HS3ST4: variants seen among roughly 807,000 people sequenced by gnomAD.
HS3ST4 encodes heparan sulfate glucosamine 3-O-sulfotransferase 4.
In HS3ST4, 17 loss-of-function variants were observed where a neutral mutation model predicts 29.2. The observed-to-expected ratio is 0.58, with a 90% CI of 0.40 to 0.87. The LOEUF (loss-of-function observed/expected upper bound fraction) is 0.87. Ranked by LOEUF, HS3ST4 falls within the 40% of genes least tolerant of loss-of-function variation. HS3ST4 has a pLI of 0.00. For synonymous variants in HS3ST4, 314 were observed against 285.7 expected (o/e 1.10, Z -1.00); for missense variants, 627 against 634.5 (o/e 0.99, Z 0.13).
chr16:25,887,297 G>A (rs1967963428), intron 1 of HS3ST4, among the ~76,000 whole-genome samples: 1 of 152,122 alleles, frequency 6.6e-6, no homozygotes, highest in Non-Finnish European at 1.5e-5. Flanking sequence ...TGAGGAAGTA[G>A]GAAGGTGGCA....
intron 1 of HS3ST4, among the ~76,000 whole-genome samples, chr16:25,924,201 G>T (rs1411328097): frequency 6.6e-6 from 1 of 152,132 alleles, no homozygotes; most frequent in African/African-American, 2.4e-5. Flanking sequence ...TCTTGGAGCT[G>T]CTTGTTTCTT....
intron 1 of HS3ST4, among the ~76,000 whole-genome samples, chr16:25,999,675 A>G (rs1969188044): frequency 6.7e-6 from 1 of 148,346 alleles, no homozygotes; most frequent in Non-Finnish European, 1.5e-5. Flanking sequence ...TCTGAGGACT[A>G]CTTTAGACAC....
chr16:25,832,017 G>A (rs939875921), intron 1 of HS3ST4, among the ~76,000 whole-genome samples: 3 of 152,020 alleles, frequency 2.0e-5, no homozygotes, highest in Non-Finnish European at 2.9e-5. Context: ...GAGATAGGAG[G>A]ATCACTTGGA....
intron 1 of HS3ST4, among the ~76,000 whole-genome samples, chr16:25,832,046 G>A (rs769628261): frequency 1.5e-4 from 23 of 152,114 alleles, no homozygotes; most frequent in South Asian, 6.2e-4. Context: ...TGTTGAGGCT[G>A]CAGTGAACCA....
chr16:25,910,423 C>T (rs1274631378), intron 1 of HS3ST4, among the ~76,000 whole-genome samples: 1 of 151,978 alleles, frequency 6.6e-6, no homozygotes, highest in Admixed American at 6.6e-5. Context: ...GGCAGATCAC[C>T]TGAGGTCAGG....
intron 1 of HS3ST4, among the ~76,000 whole-genome samples, chr16:26,054,764 G>A (rs1198255657): frequency 6.6e-6 from 1 of 152,056 alleles, no homozygotes; most frequent in East Asian, 1.9e-4. Context: ...GTCAGGAGCA[G>A]GGGGCACAGA....
At chr16:25,960,377 A>G (rs1366525162) in intron 1 of HS3ST4, among the ~76,000 whole-genome samples, 1 of 152,330 alleles carries the variant, frequency 6.6e-6, no homozygotes, top group East Asian at 1.9e-4. Context: ...ATGGACTAGT[A>G]CAAGGTACCT....
At chr16:26,013,192 AC>A (rs1969327334) in intron 1 of HS3ST4, among the ~76,000 whole-genome samples, 1 of 152,024 alleles carries the variant, frequency 6.6e-6, no homozygotes, top group South Asian at 2.1e-4. Flanking sequence ...TAAAATAAAA[AC>A]AAAAAAAACA....
intron 1 of HS3ST4, among the ~76,000 whole-genome samples, chr16:25,764,746 G>A (rs2141608080): frequency 6.6e-6 from 1 of 152,336 alleles, no homozygotes; most frequent in Non-Finnish European, 1.5e-5. Flanking sequence ...ACCATGAGTG[G>A]TGAATGCTAG....
intron 1 of HS3ST4, among the ~76,000 whole-genome samples, chr16:25,703,143 CAG>C (rs1156387555): frequency 6.6e-6 from 1 of 151,916 alleles, no homozygotes; most frequent in African/African-American, 2.4e-5. Context: ...AGCCTGGTGA[CAG>C]AGCAAGAGTC....
intron 1 of HS3ST4, among the ~76,000 whole-genome samples, chr16:25,914,090 T>C (rs781661841): frequency 1.4e-5 from 2 of 143,742 alleles, no homozygotes; most frequent in Non-Finnish European, 3.0e-5. Flanking sequence ...GGGTATGATA[T>C]ATGTGTGTGT....
At chr16:25,697,332 G>A (rs567561779) in intron 1 of HS3ST4, among the ~76,000 whole-genome samples, 10 of 152,290 alleles carry the variant, frequency 6.6e-5, no homozygotes, top group Non-Finnish European at 1.3e-4. Context: ...GCCCAGAGCT[G>A]TTTTGTCTAG....
chr16:25,738,855 C>A (rs1171474143), intron 1 of HS3ST4, among the ~76,000 whole-genome samples: 8 of 152,170 alleles, frequency 5.3e-5, no homozygotes, highest in Non-Finnish European at 7.3e-5. Context: ...TGTAATATAA[C>A]TTGAAGCAAG....
At position 26,109,841 on chromosome 16, in the gene HS3ST4, A is replaced by C. The variant is rs150978790; in HGVS notation, c.735-25771A>C. Among the ~76,000 whole-genome samples the C allele has an allele frequency of 2.9e-3, 437 of 152,278 alleles. 2 individuals are homozygous for C. The highest frequency in any genetic ancestry group is 4.9e-3 in the Non-Finnish European group (336 of 68,028). On this transcript the variant is annotated intron_variant, in intron 1 of 1. Coordinates refer to ENST00000331351, the MANE Select transcript of HS3ST4 (RefSeq NM_006040.3). ...ACAATGTAATTCAATATATGTATGC[A>C]TAGTGACATGGTTAAAATAAGCAAA...
At chr16:25,848,090 A>G (rs758393648) in intron 1 of HS3ST4, among the ~76,000 whole-genome samples, 1 of 152,164 alleles carries the variant, frequency 6.6e-6, no homozygotes, top group Non-Finnish European at 1.5e-5. Flanking sequence ...GAACTCATCC[A>G]TAAAACTATA....
chr16:25,704,465 T>G (rs1456637979), intron 1 of HS3ST4, among the ~76,000 whole-genome samples: 1 of 152,120 alleles, frequency 6.6e-6, no homozygotes, highest in East Asian at 1.9e-4. Flanking sequence ...GATGTCTTAT[T>G]TATTTATTTT....
rs1329661300 is a variant in HS3ST4 at position 25,692,698 on chromosome 16, C to T, written c.281C>T (p.Pro94Leu). 2.4e-6 allele frequency: 3 copies of T among 1,230,758 alleles called. No individual in the cohort carries two copies. Among genetic ancestry groups the T allele is most frequent in the Non-Finnish European group, 3.0e-6 (3 of 989,234 alleles). 76.2% of individuals were successfully genotyped at this position (1,230,758 alleles called of 1,614,324 possible). A position where few individuals can be genotyped will look rare whatever the true frequency, so the allele number is the denominator to read the frequency against. Residue 94 changes from proline to leucine, a missense_variant, in exon 1 of 2, where the codon CCC (proline) becomes CTC (leucine). Pro to Leu is a moderately conservative substitution (Grantham distance 98). Around this residue, in one of 2 missense-constraint regions of HS3ST4, gnomAD observed 402 missense variants for 340.8 expected, o/e 1.18. Transcript: ENST00000331351. ...CCTACCCCCGTGCGCCTCGGCGCCC[C>T]CTCGCAGCCGCCCGCGCCGCCGCCG... ...LLPTPVRLGA[P>L]SQPPAPPPLD... is the part of the protein sequence containing the mutation.
At chr16:25,920,261 A>G (rs1968333221) in intron 1 of HS3ST4, among the ~76,000 whole-genome samples, 1 of 152,136 alleles carries the variant, frequency 6.6e-6, no homozygotes, top group African/African-American at 2.4e-5. Context: ...TAAATCAATC[A>G]ATAGATCGAT....
chr16:25,969,413 G>A (rs1355448041), intron 1 of HS3ST4, among the ~76,000 whole-genome samples: 3 of 152,212 alleles, frequency 2.0e-5, no homozygotes, highest in Admixed American at 6.5e-5. Flanking sequence ...GCTATCCAGC[G>A]CTGCTGGTGG....
Sources: gnomAD v4.1 joint callset for allele counts (sites outside exome capture counted in the v4.1 genomes callset) on GRCh38, gnomAD v4.1.1 for gene constraint, gnomAD v4.1.1 regional missense constraint, MANE v1.5 for transcripts, NCBI Gene and HGNC (gene_info 2026-07-23, HGNC 2026-07-21) for gene names.